AGMO: variants seen among roughly 807,000 people sequenced by gnomAD.
AGMO encodes the protein glyceryl-ether monooxygenase.
AGMO carries 75 observed loss-of-function variants against 60.2 expected under a neutral mutation model. The observed-to-expected ratio is 1.25, with a 90% CI of 1.03 to 1.51. The LOEUF (loss-of-function observed/expected upper bound fraction) is 1.51, where lower values mean the gene tolerates loss of function less well. AGMO is among the 40% of genes most tolerant of loss of function. The pLI is 0.00. For missense variants in AGMO, 763 were observed against 525.5 expected (o/e 1.45, Z -4.42); for synonymous variants, 261 against 177.1 (o/e 1.47, Z -3.76).
rs367606624 is a variant in AGMO, at chr7:15,508,344, G to A, written c.409+36428C>T. On this transcript the variant is annotated intron_variant, in intron 3 of 12. Coordinates refer to ENST00000342526, the MANE Select transcript of AGMO (RefSeq NM_001004320.2). ...AAAACAATAACTTACATTCAGCTGCGATGAATCATGGATGCAAGTTGACAT... is the reference window on the plus strand; with the variant it reads ...AAAACAATAACTTACATTCAGCTGCAATGAATCATGGATGCAAGTTGACAT... 7.9e-5 allele frequency among the ~76,000 whole-genome samples: 12 copies of A among 152,172 alleles called. 1 individual carries two copies. In the South Asian group the frequency reaches 2.5e-3, roughly 32 times the overall value.
chr7:15,351,465 G>A (rs901633245), intron 12 of AGMO, among the ~76,000 whole-genome samples: 3 of 152,140 alleles, frequency 2.0e-5, no homozygotes, highest in Non-Finnish European at 4.4e-5. Context: ...AAAGGCATGA[G>A]TGATTAGTAA....
chr7:15,418,530 A>T (rs772999269), intron 5 of AGMO, 28 bp downstream of exon 5: 2 of 1,416,566 alleles, frequency 1.4e-6, no homozygotes, highest in Non-Finnish European at 2.0e-6. Flanking sequence ...TTAGGTATAA[A>T]ACTTACAAAG....
At chr7:15,427,273 T>C (rs1208306576) in intron 4 of AGMO, among the ~76,000 whole-genome samples, 1 of 152,170 alleles carries the variant, frequency 6.6e-6, no homozygotes, top group Non-Finnish European at 1.5e-5. Flanking sequence ...GTAGCTGTGT[T>C]TTTTAATAAA....
At chr7:15,387,705 A>G (rs761039883) in intron 8 of AGMO, among the ~76,000 whole-genome samples, 165 bp from the exon 9 acceptor site, 15 of 152,296 alleles carry the variant, frequency 9.8e-5, no homozygotes, top group East Asian at 1.9e-4. Flanking sequence ...GCTGTAATCT[A>G]TTCTATGCAC....
At chr7:15,553,813 A>G (rs1158098509) in intron 2 of AGMO, among the ~76,000 whole-genome samples, 1 of 152,088 alleles carries the variant, frequency 6.6e-6, no homozygotes, top group African/African-American at 2.4e-5. Context: ...CACCCAATTT[A>G]TTACTCCGTC....
At chr7:15,303,434 CAG>C (rs1182662980) in intron 12 of AGMO, among the ~76,000 whole-genome samples, 5 of 139,398 alleles carry the variant, frequency 3.6e-5, no homozygotes, top group African/African-American at 1.0e-4. Context: ...AATGGAAAAA[CAG>C]AAAAAAAAAA....
intron 6 of AGMO, 57 bp downstream of exon 6, chr7:15,394,056 T>A (rs995158377): frequency 4.5e-6 from 6 of 1,320,940 alleles, no homozygotes; most frequent in Non-Finnish European, 6.5e-6. Context: ...TTAAGGAAAA[T>A]AATAATGCAA....
At chr7:15,227,436 GACAACA>G (rs559682494) in intron 12 of AGMO, among the ~76,000 whole-genome samples, 3 of 149,374 alleles carry the variant, frequency 2.0e-5, no homozygotes, top group African/African-American at 7.4e-5. Flanking sequence ...TATCAACAAT[GACAACA>G]ACAACAACAA....
At chr7:15,410,790 A>C (rs1000145606) in intron 5 of AGMO, among the ~76,000 whole-genome samples, 5 of 151,984 alleles carry the variant, frequency 3.3e-5, no homozygotes, top group African/African-American at 1.2e-4. Context: ...GTTCAACTCC[A>C]GATTGTATTT....
chr7:15,227,982 G>C (rs926396718), intron 12 of AGMO, among the ~76,000 whole-genome samples: 2 of 152,094 alleles, frequency 1.3e-5, no homozygotes, highest in Non-Finnish European at 2.9e-5. Flanking sequence ...TAAGAATACT[G>C]ACTGCCCATG....
chr7:15,550,010 T>A (rs1311072512), intron 2 of AGMO, among the ~76,000 whole-genome samples: 1 of 152,000 alleles, frequency 6.6e-6, no homozygotes, highest in Admixed American at 6.6e-5. Flanking sequence ...GGATTAAGAA[T>A]CTCACTCAAA....
intron 3 of AGMO, among the ~76,000 whole-genome samples, chr7:15,514,843 G>A (rs573186140): frequency 3.4e-4 from 52 of 152,144 alleles, no homozygotes; most frequent in Middle Eastern, 3.4e-3. Flanking sequence ...TCAACTTTTG[G>A]GCAGCTTGCT....
At chr7:15,516,816 G>A (rs550308236) in intron 3 of AGMO, among the ~76,000 whole-genome samples, 14 of 151,746 alleles carry the variant, frequency 9.2e-5, no homozygotes, top group Non-Finnish European at 1.9e-4. Context: ...GGATATCGGT[G>A]AGTATAAAAA....
intron 12 of AGMO, among the ~76,000 whole-genome samples, chr7:15,352,985 T>G (rs955576973): frequency 2.2e-4 from 33 of 152,212 alleles, no homozygotes; most frequent in African/African-American, 7.5e-4. Context: ...GAGTGTCGGA[T>G]GCGCAGGTCA....
chr7:15,310,334 A>C (rs914767094), intron 12 of AGMO, among the ~76,000 whole-genome samples: 3 of 152,156 alleles, frequency 2.0e-5, no homozygotes, highest in African/African-American at 4.8e-5. Context: ...TCTTAGCTGC[A>C]TGACTCTGGA....
intron 12 of AGMO, among the ~76,000 whole-genome samples, chr7:15,315,909 G>A (rs894116961): frequency 1.6e-4 from 24 of 152,106 alleles, no homozygotes; most frequent in African/African-American, 5.6e-4. Context: ...TTTAGTAAAT[G>A]TTAATAATAC....
chr7:15,449,372 A>T (rs1216992899), intron 3 of AGMO, among the ~76,000 whole-genome samples: 2 of 152,104 alleles, frequency 1.3e-5, no homozygotes, highest in Non-Finnish European at 2.9e-5. Flanking sequence ...GTACATGTAT[A>T]AACATATACA....
intron 4 of AGMO, among the ~76,000 whole-genome samples, chr7:15,422,066 T>C (rs764802864): frequency 6.6e-6 from 1 of 151,836 alleles, no homozygotes; most frequent in Non-Finnish European, 1.5e-5. Context: ...ATAAGTGAGA[T>C]GGAATTTGCA....
intron 3 of AGMO, among the ~76,000 whole-genome samples, chr7:15,456,600 G>A (rs1286195397): frequency 6.6e-6 from 1 of 152,142 alleles, no homozygotes; most frequent in Non-Finnish European, 1.5e-5. Flanking sequence ...TTCTTCTCCT[G>A]AGTAAGGAAA....
Sources: allele counts gnomAD v4.1 joint callset (sites outside exome capture counted in the v4.1 genomes callset), GRCh38; gene constraint gnomAD v4.1.1; transcripts MANE v1.5; gene names NCBI Gene and HGNC (gene_info 2026-07-23, HGNC 2026-07-21).